Variants in FBXL7 observed in about 807,000 individuals in gnomAD.
The protein encoded by FBXL7 is F-box and leucine rich repeat protein 7.
Under a neutral mutation model 38.3 loss-of-function variants are expected in FBXL7, and 12 were observed. The ratio of observed to expected loss-of-function variants is 0.31; its 90% CI spans 0.20 to 0.51. FBXL7 has a LOEUF of 0.51. Ranked by LOEUF, FBXL7 falls within the 20% of genes least tolerant of loss-of-function variation. The pLI is 0.98. For missense variants in FBXL7, 567 were observed against 676.4 expected (o/e 0.84, Z 1.79); for synonymous variants, 297 against 300.9 (o/e 0.99, Z 0.13).
At chr5:15,680,993 C>A (rs2126609935) in intron 2 of FBXL7, among the ~76,000 whole-genome samples, 1 of 152,114 alleles carries the variant, frequency 6.6e-6, no homozygotes, top group African/African-American at 2.4e-5. Flanking sequence ...TTTTAGTATA[C>A]CAGCAAGAAT....
At chr5:15,916,761 C>G (rs1011897039) in intron 2 of FBXL7, among the ~76,000 whole-genome samples, 1 of 152,166 alleles carries the variant, frequency 6.6e-6, no homozygotes, top group African/African-American at 2.4e-5. Flanking sequence ...ACATTGTGCT[C>G]TAACCATGGA....
At chr5:15,665,442 C>T (rs1459359837) in intron 2 of FBXL7, among the ~76,000 whole-genome samples, 1 of 152,166 alleles carries the variant, frequency 6.6e-6, no homozygotes, top group Admixed American at 6.5e-5. Context: ...GGATTCTTGT[C>T]TCCTGTCTCT....
chr5:15,810,381 T>C (rs1209858728), intron 2 of FBXL7, among the ~76,000 whole-genome samples: 2 of 152,008 alleles, frequency 1.3e-5, no homozygotes, highest in Non-Finnish European at 2.9e-5. Flanking sequence ...GCCAACATGG[T>C]GAAACCTTGT....
At chr5:15,732,669 A>G (rs1029160749) in intron 2 of FBXL7, among the ~76,000 whole-genome samples, 2 of 152,252 alleles carry the variant, frequency 1.3e-5, no homozygotes, top group South Asian at 2.1e-4. Context: ...ATTACGATCT[A>G]TAGAAGCCCC....
chr5:15,553,080 C>CA (rs755924778), intron 1 of FBXL7, among the ~76,000 whole-genome samples: 47,526 of 123,734 alleles, frequency 0.38, 8,214 homozygotes, highest in Middle Eastern at 0.46. Flanking sequence ...GACTCCATGT[C>CA]AAAAAAAAAA....
At chr5:15,808,749 C>T (rs984150043) in intron 2 of FBXL7, among the ~76,000 whole-genome samples, 1 of 152,212 alleles carries the variant, frequency 6.6e-6, no homozygotes, top group Non-Finnish European at 1.5e-5. Flanking sequence ...CACTGCTAGA[C>T]TGCCAGTGCT....
intron 2 of FBXL7, among the ~76,000 whole-genome samples, chr5:15,847,696 A>T (rs1738952629): frequency 6.6e-6 from 1 of 152,148 alleles, no homozygotes; most frequent in Non-Finnish European, 1.5e-5. Flanking sequence ...GATTTAATTG[A>T]AAGGGAGATT....
At chr5:15,731,784 G>T (rs1157509279) in intron 2 of FBXL7, among the ~76,000 whole-genome samples, 1 of 152,124 alleles carries the variant, frequency 6.6e-6, no homozygotes, top group Non-Finnish European at 1.5e-5. Flanking sequence ...ATGAATCCCC[G>T]AGTGTGCTTA....
intron 2 of FBXL7, among the ~76,000 whole-genome samples, chr5:15,707,315 A>G (rs950236316): frequency 6.6e-6 from 1 of 151,878 alleles, no homozygotes; most frequent in Non-Finnish European, 1.5e-5. Context: ...TCTAGACTAC[A>G]CATATATCCT....
At chr5:15,556,871 T>G (rs1373587489) in intron 1 of FBXL7, among the ~76,000 whole-genome samples, 1 of 152,208 alleles carries the variant, frequency 6.6e-6, no homozygotes, top group Non-Finnish European at 1.5e-5. Flanking sequence ...CTTTTTTGTT[T>G]AGAGCTAGAG....
At chr5:15,639,638 T>C (rs963362935) in intron 2 of FBXL7, among the ~76,000 whole-genome samples, 2 of 152,048 alleles carry the variant, frequency 1.3e-5, no homozygotes, top group African/African-American at 2.4e-5. Flanking sequence ...TACAGACATA[T>C]ACAAAACTCA....
intron 2 of FBXL7, among the ~76,000 whole-genome samples, chr5:15,882,164 C>G (rs1172237347): frequency 1.3e-5 from 2 of 152,218 alleles, no homozygotes; most frequent in Non-Finnish European, 2.9e-5. Flanking sequence ...CACCTCCAAC[C>G]AGGCCCCACC....
intron 2 of FBXL7, among the ~76,000 whole-genome samples, chr5:15,893,008 CGGGA>C (rs1740973043): frequency 6.6e-6 from 1 of 151,410 alleles, no homozygotes; most frequent in Non-Finnish European, 1.5e-5. Context: ...CCCAGCTACT[CGGGA>C]GGCTGAGACA....
At chr5:15,927,417 G>A (rs1741903588) in intron 2 of FBXL7, among the ~76,000 whole-genome samples, 1 of 152,072 alleles carries the variant, frequency 6.6e-6, no homozygotes, top group African/African-American at 2.4e-5. Context: ...GGCAGGAGTC[G>A]GCCCAGGGAG....
chr5:15,726,928 T>A (rs1735419552), intron 2 of FBXL7, among the ~76,000 whole-genome samples: 1 of 152,104 alleles, frequency 6.6e-6, no homozygotes, highest in African/African-American at 2.4e-5. Context: ...ACTGCCTTCT[T>A]TTGTGTTTAG....
At chr5:15,532,200 C>G (rs1052916818) in intron 1 of FBXL7, among the ~76,000 whole-genome samples, 1 of 152,222 alleles carries the variant, frequency 6.6e-6, no homozygotes, top group Non-Finnish European at 1.5e-5. Flanking sequence ...TTTGCAGTGG[C>G]TATTTCTCAT....
At chr5:15,681,159 A>G (rs1361553504) in intron 2 of FBXL7, among the ~76,000 whole-genome samples, 1 of 152,200 alleles carries the variant, frequency 6.6e-6, no homozygotes, top group Non-Finnish European at 1.5e-5. Flanking sequence ...CAATTTGACA[A>G]CTAGTGTCAA....
chr5:15,890,544 T>C (rs1288604798), intron 2 of FBXL7, among the ~76,000 whole-genome samples: 1 of 152,156 alleles, frequency 6.6e-6, no homozygotes, highest in Admixed American at 6.5e-5. Context: ...CCCGGCTGGC[T>C]TTCGATTCTT....
At chr5:15,505,296 A>G (rs1736614610) in intron 1 of FBXL7, among the ~76,000 whole-genome samples, 1 of 152,194 alleles carries the variant, frequency 6.6e-6, no homozygotes, top group Non-Finnish European at 1.5e-5. Flanking sequence ...ACTAATGAGG[A>G]AACATAGGAC....
Sources: allele counts gnomAD v4.1 joint callset (sites outside exome capture counted in the v4.1 genomes callset), GRCh38; gene constraint gnomAD v4.1.1; transcripts MANE v1.5; gene names NCBI Gene and HGNC (gene_info 2026-07-23, HGNC 2026-07-21).